Variants in SEC16B observed in about 807,000 individuals in gnomAD.
SEC16B encodes the protein SEC16 homolog B, endoplasmic reticulum export factor.
A neutral mutation model predicts 141.8 loss-of-function variants in SEC16B; 115 were observed. The ratio of observed to expected loss-of-function variants is 0.81; its 90% confidence interval spans 0.70 to 0.95. SEC16B has a LOEUF of 0.95. SEC16B is among the 40% of genes least tolerant of loss of function. The pLI is 0.00. For missense variants in SEC16B, 1,291 were observed against 1,312.3 expected, an observed-to-expected ratio of 0.98 and a Z score of 0.25; for synonymous variants, 493 against 492.5, an observed-to-expected ratio of 1.00 and a Z score of -0.01.
chr1:177,968,287 G>A (rs35984529), intron 1 of SEC16B, among the ~76,000 whole-genome samples: 17 of 152,152 alleles, frequency 1.1e-4, no homozygotes, highest in Non-Finnish European at 1.9e-4. Context: ...GATGAGGGAG[G>A]CAAGGGAGAC....
chr1:177,978,158 G>A (rs1007831460), intron 1 of SEC16B, among the ~76,000 whole-genome samples: 1 of 152,192 alleles, frequency 6.6e-6, no homozygotes, highest in Non-Finnish European at 1.5e-5. Context: ...CTGATTAGCT[G>A]TGAGCCTTCA....
rs1234802724 is a variant in SEC16B at position 177,933,522 on chromosome 1, G to C, written c.2686C>G (p.Gln896Glu). ...ADKNSPRNTAQRGKLGDGKEH... is the reference protein window; with the variant it reads ...ADKNSPRNTAERGKLGDGKEH... ...TTCCCATCTCCGAGCTTGCCTCTCT[G>C]GGCAGTATTTCGGGGAGAGTTTTTA... Residue 896 changes from glutamine to glutamate, a missense_variant, in exon 21 of 26, where the codon CAG (glutamine) becomes GAG (glutamate). By Grantham distance (29) the Gln-to-Glu change is conservative (BLOSUM62 2). Around this residue, in one of 3 missense-constraint regions of SEC16B, gnomAD observed 605 missense variants for 614.1 expected, o/e 0.99. Coordinates refer to ENST00000308284, the MANE Select transcript of SEC16B (RefSeq NM_033127.4). 1 of 1,613,798 alleles carries C rather than the reference G, an allele frequency of 6.2e-7. No individual in the cohort carries two copies. Among genetic ancestry groups the C allele is most frequent in the Non-Finnish European group, 8.5e-7 (1 of 1,179,824 alleles).
intron 1 of SEC16B, among the ~76,000 whole-genome samples, chr1:177,982,869 CCAAT>C (rs1443937745): frequency 6.6e-6 from 1 of 152,134 alleles, no homozygotes; most frequent in Non-Finnish European, 1.5e-5. Flanking sequence ...GGTACTTGTT[CCAAT>C]CAATAACCAT....
At chr1:177,942,138 C>T (rs887517423) in intron 15 of SEC16B, 98 bp from the exon 16 acceptor site, 9 of 1,334,588 alleles carry the variant, frequency 6.7e-6, no homozygotes, top group African/African-American at 3.0e-5. Context: ...TGTCAGTTTC[C>T]GCTAACTCTG....
chr1:177,962,832 C>T (rs999382330), intron 5 of SEC16B, among the ~76,000 whole-genome samples: 3 of 148,974 alleles, frequency 2.0e-5, no homozygotes, highest in African/African-American at 4.9e-5. Context: ...TTGGGCCAAG[C>T]GCAGTGGCTC....
intron 1 of SEC16B, among the ~76,000 whole-genome samples, chr1:177,977,653 C>G (rs1654228554): frequency 6.6e-6 from 1 of 152,178 alleles, no homozygotes; most frequent in African/African-American, 2.4e-5. Flanking sequence ...ATAGGGTAGA[C>G]AGCCCCCATA....
chr1:177,973,445 A>G (rs192468610), upstream of SEC16B: 14 of 152,396 alleles, frequency 9.2e-5, no homozygotes, highest in East Asian at 2.7e-3. Flanking sequence ...ACTTTTCTAC[A>G]ATAAATGTAT....
chr1:177,983,596 C>G (rs754609216), intron 1 of SEC16B, among the ~76,000 whole-genome samples: 1 of 151,980 alleles, frequency 6.6e-6, no homozygotes, highest in Non-Finnish European at 1.5e-5. Flanking sequence ...ACTCTAAACA[C>G]GATTTCCAGG....
rs986396980 is a variant in SEC16B, at chr1:177,958,983, G to C, written c.999-8C>G. 2.5e-6 allele frequency: 4 copies of C among 1,610,956 alleles called. No homozygotes were observed. In the African/African-American group the frequency reaches 5.3e-5, roughly 22 times the overall value. On this transcript the variant is annotated splice_region_variant and splice_polypyrimidine_tract_variant and intron_variant, in intron 8 of 25. Transcript: ENST00000308284. ...ACCTTATGTACATCTTCCCTACATG[G>C]AAAAAATTTAGGGAGCAAAGAGTGA...
chr1:177,934,998 C>T (rs1650729317), intron 20 of SEC16B, among the ~76,000 whole-genome samples: 1 of 152,066 alleles, frequency 6.6e-6, no homozygotes, highest in Admixed American at 6.5e-5. Context: ...ACTCTCAGGG[C>T]ACAGTGGCTC....
intron 24 of SEC16B, among the ~76,000 whole-genome samples, chr1:177,931,578 C>G (rs1428560732): frequency 6.6e-6 from 1 of 152,156 alleles, no homozygotes; most frequent in African/African-American, 2.4e-5. Flanking sequence ...CCAAAAGCTA[C>G]TGAAATGTTT....
chr1:177,946,493 G>C lies in SEC16B; in HGVS notation c.1702C>G (p.Leu568Val), dbSNP rs1300216693. The part of the protein sequence containing the change: ...GLVEAAHFCY[L>V]MAHVPFGHYT... ...TGGCCAAAGGGCACGTGAGCCATGA[G>C]ATAGCAGAAGTGAGCTGCCTCCACA... is the stretch of plus-strand genomic sequence containing the variant. Residue 568 changes from leucine to valine, a missense_variant, in exon 14 of 26, where the codon CTC becomes GTC. Leu to Val is a conservative substitution (Grantham distance 32). Coordinates refer to ENST00000308284, the MANE Select transcript of SEC16B (RefSeq NM_033127.4). 1.3e-6 allele frequency: 2 copies of C among 1,584,888 alleles called. No homozygotes were observed. The highest frequency in any genetic ancestry group is 1.3e-5 in the African/African-American group (1 of 74,206).
intron 1 of SEC16B, among the ~76,000 whole-genome samples, chr1:177,983,422 C>A (rs1315995218): frequency 2.6e-5 from 4 of 151,700 alleles, no homozygotes; most frequent in Non-Finnish European, 4.4e-5. Flanking sequence ...AGGTGACAAT[C>A]AAAAATATCT....
rs777820902 is a variant in SEC16B, at chr1:177,967,837, A to G, written c.145T>C (p.Trp49Arg). Residue 49 changes from tryptophan (W) to arginine (R), a missense_variant, in exon 2 of 26, where the codon TGG becomes CGG. Physicochemically the swap from Trp to Arg is moderately radical, Grantham distance 101. This residue lies in a region of SEC16B where 681 missense variants were observed against 675.5 expected (regional missense o/e 1.01). Transcript: ENST00000308284. ...SWHNGERFHQ[W>R]QDNRGSPQPQ... ...TGGGGGCTCCCACGGTTGTCTTGCC[A>G]TTGGTGAAACCTCTCTCCATTGTGC... 1.4e-5 allele frequency: 22 copies of G among 1,613,774 alleles called. No individual in the cohort carries two copies. The highest frequency in any genetic ancestry group is 1.7e-5 in the Admixed American group (1 of 60,000).
At chr1:177,937,823 G>A (rs1650973395) in intron 18 of SEC16B, among the ~76,000 whole-genome samples, 1 of 152,076 alleles carries the variant, frequency 6.6e-6, no homozygotes, top group South Asian at 2.1e-4. Context: ...CTTAAAAACT[G>A]AGTTCCCAGC....
At position 177,929,918 on chromosome 1, in the gene SEC16B, G is replaced by A; in HGVS notation, c.3123C>T (p.Ala1041=). 1 of 1,613,864 alleles carries A rather than the reference G, an allele frequency of 6.2e-7. No individual in the cohort carries two copies. Among genetic ancestry groups the A allele is most frequent in the Non-Finnish European group, 8.5e-7 (1 of 1,179,842 alleles). Residue 1041 remains alanine (A), a synonymous_variant, in exon 26 of 26, where the codon GCC becomes GCT. Transcript: ENST00000308284. The part of the protein sequence containing the change: ...NPSQVPQLPT[A]TSLNRPNRLA... Reference sequence around the variant, plus strand: ...GGCGATTTGGCCGATTCAGGCTAGTGGCCGTGGGCAGCTGGAAAAGAAGAA... The same window carrying A: ...GGCGATTTGGCCGATTCAGGCTAGTAGCCGTGGGCAGCTGGAAAAGAAGAA...
chr1:177,955,750 A>G (rs965419101), intron 10 of SEC16B, among the ~76,000 whole-genome samples: 2 of 152,222 alleles, frequency 1.3e-5, no homozygotes, highest in Non-Finnish European at 2.9e-5. Context: ...AATTGGCACA[A>G]TCTCTAAAAG....
intron 6 of SEC16B, 31 bp downstream of exon 6, chr1:177,961,559 A>T: frequency 6.3e-7 from 1 of 1,582,120 alleles, no homozygotes; most frequent in Non-Finnish European, 8.6e-7. Context: ...CATCAGATTC[A>T]ATCAACTCTT....
intron 1 of SEC16B, among the ~76,000 whole-genome samples, chr1:177,983,913 T>C (rs1016482141): frequency 4.6e-5 from 7 of 152,176 alleles, no homozygotes; most frequent in Admixed American, 4.6e-4. Context: ...AACAATCCAT[T>C]CCATCCCCCA....
Sources: allele counts gnomAD v4.1 joint callset (sites outside exome capture counted in the v4.1 genomes callset), GRCh38; gene constraint gnomAD v4.1.1; regional missense constraint gnomAD v4.1.1; transcripts MANE v1.5; gene names NCBI Gene and HGNC (gene_info 2026-07-23, HGNC 2026-07-21).